NINL: variants seen among roughly 807,000 people sequenced by gnomAD.
NINL encodes the protein ninein like.
NINL carries 153 observed loss-of-function variants against 160.3 expected under a neutral mutation model. The ratio of observed to expected loss-of-function variants is 0.95; its 90% CI spans 0.84 to 1.09. The LOEUF (loss-of-function observed/expected upper bound fraction) is 1.09, where lower values mean the gene tolerates loss of function less well. Among genes scored for constraint, NINL ranks in the 50% least tolerant of loss-of-function variants. The pLI, the probability that NINL is intolerant of heterozygous loss-of-function variation, is 0.00. For missense variants in NINL, 1,829 were observed against 1,764.0 expected, an observed-to-expected ratio of 1.04 and a Z score of -0.66; for synonymous variants, 800 against 734.8, an observed-to-expected ratio of 1.09 and a Z score of -1.43.
chr20:25,553,880 A>T (rs73111242), intron 1 of NINL, among the ~76,000 whole-genome samples: 17,078 of 152,204 alleles, frequency 0.11, 1,053 homozygotes, highest in African/African-American at 0.15. Flanking sequence ...TCCAGGAGGG[A>T]GACAGAGCAG....
At chr20:25,571,697 G>C (rs1436163089) in intron 1 of NINL, among the ~76,000 whole-genome samples, 2 of 151,812 alleles carry the variant, frequency 1.3e-5, no homozygotes, top group Non-Finnish European at 2.9e-5. Flanking sequence ...GTGAAACTCT[G>C]TCTCTACTAA....
At chr20:25,461,124 C>T (rs908126726) in intron 21 of NINL, among the ~76,000 whole-genome samples, 1 of 152,208 alleles carries the variant, frequency 6.6e-6, no homozygotes, top group Non-Finnish European at 1.5e-5. Flanking sequence ...AGATGTGGCA[C>T]CCGGAGGCGT....
intron 1 of NINL, among the ~76,000 whole-genome samples, chr20:25,583,059 G>T (rs1480766023): frequency 6.6e-6 from 1 of 152,142 alleles, no homozygotes. Context: ...TACTATTCAG[G>T]ACATAGGCAT....
chr20:25,466,664 G>A (rs1350170553), intron 19 of NINL, among the ~76,000 whole-genome samples: 1 of 152,016 alleles, frequency 6.6e-6, no homozygotes, highest in East Asian at 1.9e-4. Flanking sequence ...GCCACGCATG[G>A]TGGTACACAC....
At chr20:25,566,066 G>C (rs529279667) in intron 1 of NINL, among the ~76,000 whole-genome samples, 1 of 152,304 alleles carries the variant, frequency 6.6e-6, no homozygotes, top group East Asian at 1.9e-4. Flanking sequence ...CCGGGCACTG[G>C]ACTTTTCGGC....
At chr20:25,540,022 C>G (rs779389174) in intron 1 of NINL, 3 of 1,288,552 alleles carry the variant, frequency 2.3e-6, no homozygotes, top group East Asian at 5.5e-5. Context: ...CACTGTTTAC[C>G]TGCGCAGTTC....
At chr20:25,472,960 G>C (rs151089772) in intron 17 of NINL, among the ~76,000 whole-genome samples, 11 of 152,208 alleles carry the variant, frequency 7.2e-5, no homozygotes, top group African/African-American at 2.6e-4. Context: ...CAAAAACTAG[G>C]AACTACCCAA....
intron 19 of NINL, among the ~76,000 whole-genome samples, chr20:25,463,051 TG>T (rs1233515984): frequency 1.3e-5 from 2 of 152,204 alleles, no homozygotes; most frequent in Non-Finnish European, 2.9e-5. Context: ...AGGAAATGTC[TG>T]GCAATGTCTC....
chr20:25,584,309 C>T (rs1396698169), intron 1 of NINL, among the ~76,000 whole-genome samples: 1 of 151,928 alleles, frequency 6.6e-6, no homozygotes, highest in Non-Finnish European at 1.5e-5. Context: ...CCCATCTCCA[C>T]TAAAAACACA....
chr20:25,455,373 C>T (rs1472009866), intron 23 of NINL, among the ~76,000 whole-genome samples: 1 of 152,230 alleles, frequency 6.6e-6, no homozygotes. Flanking sequence ...CAGCCCTGCT[C>T]ATCTCAGGTC....
intron 2 of NINL, among the ~76,000 whole-genome samples, chr20:25,521,983 T>A (rs1242674169): frequency 6.6e-6 from 1 of 152,194 alleles, no homozygotes. Flanking sequence ...CACAGCTCAC[T>A]GCAGCTTCAA....
intron 1 of NINL, among the ~76,000 whole-genome samples, chr20:25,577,135 A>C (rs2065124166): frequency 6.6e-6 from 1 of 152,174 alleles, no homozygotes; most frequent in Non-Finnish European, 1.5e-5. Context: ...CCTGTCACTT[A>C]CCTTCATTTG....
At position 25,476,531 on chromosome 20, in the gene NINL, T is replaced by C; in HGVS notation, c.2760A>G (p.Pro920=). 6.2e-7 allele frequency: 1 copy of C among 1,600,748 alleles called. No individual in the cohort carries two copies. Among genetic ancestry groups the C allele is most frequent in the Non-Finnish European group, 8.5e-7 (1 of 1,179,830 alleles). ...TCGCGCCGAAAGGCTCTGGCTCCTT[T>C]GGGACAATATCCCCATCCACTCCAC... ...QPCGVDGDIV[P]KEPEPFGASA... The change falls in exon 17 of 24, where the codon CCA becomes CCG. Residue 920 remains proline (P), a synonymous_variant. Coordinates refer to ENST00000278886, the MANE Select transcript of NINL (RefSeq NM_025176.6).
chr20:25,568,945 T>C (rs994145955), intron 1 of NINL, among the ~76,000 whole-genome samples: 1 of 151,566 alleles, frequency 6.6e-6, no homozygotes, highest in African/African-American at 2.4e-5. Flanking sequence ...TTTTTTTTTT[T>C]CCTGCTGGGT....
intron 21 of NINL, 121 bp from the exon 22 acceptor site, chr20:25,458,650 G>A (rs570769459): frequency 4.5e-5 from 46 of 1,027,478 alleles, no homozygotes; most frequent in Non-Finnish European, 5.8e-5. Flanking sequence ...TCCCGAGTAT[G>A]CAGCAGCACC....
chr20:25,462,362 C>A, intron 20 of NINL, 21 bp downstream of exon 20: 1 of 1,106,882 alleles, frequency 9.0e-7, no homozygotes, highest in Non-Finnish European at 1.2e-6. Context: ...AGCTCAGCTC[C>A]CTGCGGCTGA....
chr20:25,508,015 T>C (rs2063995352), intron 5 of NINL, among the ~76,000 whole-genome samples: 1 of 152,100 alleles, frequency 6.6e-6, no homozygotes, highest in Admixed American at 6.5e-5. Flanking sequence ...AATTGCTGGG[T>C]GAAAAACAGC....
intron 1 of NINL, among the ~76,000 whole-genome samples, chr20:25,569,049 T>C (rs933636968): frequency 1.3e-5 from 2 of 151,698 alleles, no homozygotes; most frequent in African/African-American, 2.4e-5. Context: ...CTGGCCAACA[T>C]GGTAAAACCC....
intron 1 of NINL, among the ~76,000 whole-genome samples, chr20:25,573,812 CAT>C (rs1262299295): frequency 3.9e-5 from 6 of 152,208 alleles, no homozygotes; most frequent in Admixed American, 1.3e-4. Context: ...GTCTGACACA[CAT>C]AGAGTTCAAG....
Sources: gnomAD v4.1 joint callset for allele counts (sites outside exome capture counted in the v4.1 genomes callset) on GRCh38, gnomAD v4.1.1 for gene constraint, MANE v1.5 for transcripts, NCBI Gene and HGNC (gene_info 2026-07-23, HGNC 2026-07-21) for gene names.